Variants in CRTAC1 observed in about 807,000 individuals in gnomAD.
The protein encoded by CRTAC1 is acidic secreted protein in cartilage.
Under a neutral mutation model 67.8 loss-of-function variants are expected in CRTAC1, and 37 were observed. That is an observed-to-expected ratio of 0.55 (90% CI 0.42 to 0.72). The LOEUF (loss-of-function observed/expected upper bound fraction) is 0.72. Among genes scored for constraint, CRTAC1 ranks in the 30% least tolerant of loss-of-function variants. The pLI is 0.00. For missense variants in CRTAC1, 780 were observed against 931.6 expected, an observed-to-expected ratio of 0.84 and a Z score of 2.12; for synonymous variants, 348 against 371.0, an observed-to-expected ratio of 0.94 and a Z score of 0.71.
At chr10:97,874,469 T>C (rs1388900543) in intron 14 of CRTAC1, among the ~76,000 whole-genome samples, 1 of 152,198 alleles carries the variant, frequency 6.6e-6, no homozygotes, top group Non-Finnish European at 1.5e-5. Flanking sequence ...CTCTGCACCT[T>C]ATGGCCATTT....
At chr10:97,962,044 G>A (rs552519676) in intron 2 of CRTAC1, among the ~76,000 whole-genome samples, 19 of 152,272 alleles carry the variant, frequency 1.2e-4, no homozygotes, top group Admixed American at 4.6e-4. Flanking sequence ...TCAGAAAGCC[G>A]TGGAACATCA....
intron 1 of CRTAC1, among the ~76,000 whole-genome samples, chr10:98,028,539 A>C (rs1024019488): frequency 2.0e-5 from 3 of 152,148 alleles, no homozygotes; most frequent in African/African-American, 7.2e-5. Flanking sequence ...TACACAGGCC[A>C]TTGGTCCACA....
intron 12 of CRTAC1, among the ~76,000 whole-genome samples, chr10:97,883,942 C>T (rs2050247080): frequency 6.6e-6 from 1 of 152,214 alleles, no homozygotes; most frequent in Admixed American, 6.5e-5. Context: ...CCTCTCTTAA[C>T]CTCAGTTTTC....
At chr10:97,930,208 C>T (rs922798323) in intron 3 of CRTAC1, among the ~76,000 whole-genome samples, 3 of 152,298 alleles carry the variant, frequency 2.0e-5, no homozygotes, top group Non-Finnish European at 4.4e-5. Context: ...TGCAGATCCC[C>T]CTCTCATGTT....
chr10:97,974,807 C>A (rs909512495), intron 2 of CRTAC1, among the ~76,000 whole-genome samples: 2 of 152,192 alleles, frequency 1.3e-5, no homozygotes, highest in South Asian at 4.1e-4. Context: ...GGAAAAAAGA[C>A]CCCTTTCTTC....
chr10:97,868,575 T>A (rs11189415), intron 14 of CRTAC1: 16,128 of 152,364 alleles, frequency 0.11, 1,533 homozygotes, highest in African/African-American at 0.25. Flanking sequence ...CGCTAAGGGC[T>A]GCAGTGAGCT....
chr10:97,944,611 T>C (rs901610125), intron 2 of CRTAC1, among the ~76,000 whole-genome samples: 1 of 152,184 alleles, frequency 6.6e-6, no homozygotes, highest in Non-Finnish European at 1.5e-5. Flanking sequence ...TCTGTATGCA[T>C]GTGTTACTCC....
At chr10:97,890,994 A>G (rs2050363771) in intron 11 of CRTAC1, among the ~76,000 whole-genome samples, 1 of 152,048 alleles carries the variant, frequency 6.6e-6, no homozygotes, top group African/African-American at 2.4e-5. Flanking sequence ...AGCCCATTAT[A>G]TCTTCTAACA....
intron 2 of CRTAC1, among the ~76,000 whole-genome samples, chr10:97,951,836 G>A (rs1010968501): frequency 1.3e-5 from 2 of 152,178 alleles, no homozygotes; most frequent in African/African-American, 4.8e-5. Flanking sequence ...TACTCAAACT[G>A]TGGAGTGGGG....
In CRTAC1 at chr10:97,917,570, G is replaced by A. The variant is rs141281042; in HGVS notation, c.645C>T (p.Ala215=). The change falls in exon 5 of 15, where the codon GCC becomes GCT. Residue 215 remains alanine (A), a synonymous_variant. Coordinates refer to ENST00000370597, the MANE Select transcript of CRTAC1 (RefSeq NM_018058.7). ...CCAGAATGCCCCGGGAGAGGTCACTGGCCTCAGGGTCCATTTCAATGAGGG... is the reference window on the plus strand; with the variant it reads ...CCAGAATGCCCCGGGAGAGGTCACTAGCCTCAGGGTCCATTTCAATGAGGG... The part of the protein sequence containing the change: ...PDALIEMDPE[A]SDLSRGILAL... The A allele has an allele frequency of 1.8e-3, 2,960 of 1,603,630 alleles. 10 individuals carry two copies. The highest frequency in any genetic ancestry group is 2.3e-3 in the Non-Finnish European group (2,715 of 1,174,316).
At chr10:97,866,562 G>A (rs1564868561) in intron 14 of CRTAC1, 2 of 152,288 alleles carry the variant, frequency 1.3e-5, no homozygotes, top group Admixed American at 6.5e-5. Flanking sequence ...AGTGCAGTGT[G>A]CGTAAATGTG....
chr10:97,908,487 C>T (rs1283962595), intron 5 of CRTAC1, among the ~76,000 whole-genome samples: 1 of 152,202 alleles, frequency 6.6e-6, no homozygotes, highest in Non-Finnish European at 1.5e-5. Context: ...CAACTCTAAG[C>T]ACGCCATTTT....
chr10:97,925,234 G>A (rs1310197684), intron 3 of CRTAC1, among the ~76,000 whole-genome samples: 1 of 152,232 alleles, frequency 6.6e-6, no homozygotes, highest in Non-Finnish European at 1.5e-5. Flanking sequence ...TTGTGCCACT[G>A]CACTCCAGCC....
chr10:97,941,257 A>G (rs908742542), intron 2 of CRTAC1, among the ~76,000 whole-genome samples: 11 of 151,976 alleles, frequency 7.2e-5, no homozygotes, highest in Non-Finnish European at 2.9e-5. Flanking sequence ...AAGGAGGCCA[A>G]CTTCCTCTGG....
intron 2 of CRTAC1, among the ~76,000 whole-genome samples, chr10:98,006,724 G>A (rs750237039): frequency 6.6e-6 from 1 of 152,204 alleles, no homozygotes; most frequent in Non-Finnish European, 1.5e-5. Flanking sequence ...TTCAAGTACG[G>A]AGCGCTTTAT....
At chr10:98,011,028 T>C in intron 2 of CRTAC1, 110 bp downstream of exon 2, 2 of 933,688 alleles carry the variant, frequency 2.1e-6, no homozygotes, top group South Asian at 3.0e-5. Flanking sequence ...CACAGACCTA[T>C]GAGTGAGAAC....
At chr10:97,882,418 C>T (rs981070197) in intron 13 of CRTAC1, among the ~76,000 whole-genome samples, 3 of 152,220 alleles carry the variant, frequency 2.0e-5, no homozygotes, top group African/African-American at 4.8e-5. Flanking sequence ...CAATGCACAC[C>T]CTTGCCTGCC....
chr10:98,027,020 A>G (rs1026984821), intron 1 of CRTAC1, among the ~76,000 whole-genome samples: 11 of 152,248 alleles, frequency 7.2e-5, no homozygotes, highest in Admixed American at 2.6e-4. Context: ...ACAAAAAGTT[A>G]GCCGGGCGTA....
rs1437257188 is a variant in CRTAC1 at position 98,029,963 on chromosome 10, G to A, written c.24+486C>T. 6.6e-6 allele frequency among the ~76,000 whole-genome samples: 1 copy of A among 152,138 alleles called. No homozygotes were observed. The highest frequency in any genetic ancestry group is 1.5e-5 in the Non-Finnish European group (1 of 68,018). On this transcript the variant is annotated intron_variant, in intron 1 of 14. Coordinates refer to ENST00000370597, the MANE Select transcript of CRTAC1 (RefSeq NM_018058.7). The surrounding 1 kb of genome is among the most constrained non-coding windows in gnomAD (Gnocchi z 4.7). ...GGAACTCGGCTTCCCAGGGGAGGAA[G>A]AGCCAGCCCGCGGGGCTCTTCCCCA...
Sources: gnomAD v4.1 joint callset for allele counts (sites outside exome capture counted in the v4.1 genomes callset) on GRCh38, gnomAD v4.1.1 for gene constraint, Gnocchi (gnomAD v3.1) non-coding constraint, MANE v1.5 for transcripts, NCBI Gene and HGNC (gene_info 2026-07-23, HGNC 2026-07-21) for gene names.